Variants in FILIP1L observed in about 807,000 individuals in gnomAD.
The protein encoded by FILIP1L is filamin A interacting protein 1 like.
A neutral mutation model predicts 96.6 loss-of-function variants in FILIP1L; 55 were observed. The ratio of observed to expected loss-of-function variants is 0.57; its 90% CI spans 0.46 to 0.71. The LOEUF (loss-of-function observed/expected upper bound fraction) is 0.71. Among genes scored for constraint, FILIP1L ranks in the 30% least tolerant of loss-of-function variants. The probability of loss-of-function intolerance (pLI) is 0.00; values close to 1 mark genes in which losing one functional copy is unlikely to be tolerated. For synonymous variants in FILIP1L, 467 were observed against 473.9 expected, an observed-to-expected ratio of 0.99 and a Z score of 0.19; for missense variants, 1,304 against 1,321.2, an observed-to-expected ratio of 0.99 and a Z score of 0.20.
At chr3:99,881,529 C>T (rs1193196822) in intron 4 of FILIP1L, among the ~76,000 whole-genome samples, 2 of 149,266 alleles carry the variant, frequency 1.3e-5, no homozygotes, top group African/African-American at 5.0e-5. Context: ...TAGCCCATCT[C>T]TCTCTCTCTT....
intron 1 of FILIP1L, among the ~76,000 whole-genome samples, chr3:100,032,302 C>T (rs2065034944): frequency 6.6e-6 from 1 of 152,110 alleles, no homozygotes; most frequent in South Asian, 2.1e-4. Context: ...AGGTCAAATT[C>T]CAGATTGGTT....
chr3:99,858,774 C>T (rs1015224914), intron 4 of FILIP1L, among the ~76,000 whole-genome samples: 5 of 152,314 alleles, frequency 3.3e-5, no homozygotes, highest in African/African-American at 1.2e-4. Flanking sequence ...ATATCTTCTT[C>T]ACTCTCAAAG....
intron 4 of FILIP1L, chr3:99,876,141 CTG>C: frequency 1.0e-6 from 1 of 986,208 alleles, no homozygotes; most frequent in Non-Finnish European, 1.2e-6. Context: ...TGCGAGCCGA[CTG>C]TGCGCGCTCC....
At chr3:100,034,104 A>G (rs1267330430) in intron 1 of FILIP1L, among the ~76,000 whole-genome samples, 1 of 152,226 alleles carries the variant, frequency 6.6e-6, no homozygotes. Context: ...AGTAATTTGC[A>G]TCATCATCCA....
intron 1 of FILIP1L, among the ~76,000 whole-genome samples, chr3:99,975,516 C>T (rs1318325916): frequency 1.3e-5 from 2 of 151,704 alleles, no homozygotes; most frequent in African/African-American, 2.4e-5. Flanking sequence ...TGCTTGAACC[C>T]GGGAGGCAGA....
intron 4 of FILIP1L, among the ~76,000 whole-genome samples, chr3:99,885,001 C>G (rs1705846650): frequency 6.6e-6 from 1 of 152,188 alleles, no homozygotes; most frequent in African/African-American, 2.4e-5. Context: ...GAAAATTGTG[C>G]TACGATACTG....
chr3:100,088,599 T>G (rs1040023267), intron 1 of FILIP1L, among the ~76,000 whole-genome samples: 1 of 152,146 alleles, frequency 6.6e-6, no homozygotes, highest in African/African-American at 2.4e-5. Context: ...CACACCAGTT[T>G]CCTCAGTCTT....
chr3:100,005,040 T>C (rs1709949455), intron 1 of FILIP1L, among the ~76,000 whole-genome samples: 1 of 152,132 alleles, frequency 6.6e-6, no homozygotes. Context: ...GGAAAAGGGG[T>C]GCCAGAATGC....
intron 4 of FILIP1L, chr3:99,898,025 A>G (rs1300712757): frequency 6.6e-6 from 1 of 151,942 alleles, no homozygotes; most frequent in Non-Finnish European, 1.5e-5. Flanking sequence ...ATTTTCTCAC[A>G]TTGGTTTTTT....
intron 5 of FILIP1L, 66 bp downstream of exon 5, chr3:99,848,229 T>C (rs1943457993): frequency 6.3e-7 from 1 of 1,583,872 alleles, no homozygotes; most frequent in African/African-American, 1.3e-5. Context: ...AAGGATTGAG[T>C]TCCTTGCAAA....
chr3:99,903,034 G>A (rs573011741), intron 4 of FILIP1L, among the ~76,000 whole-genome samples: 1 of 152,240 alleles, frequency 6.6e-6, no homozygotes, highest in African/African-American at 2.4e-5. Flanking sequence ...AAACTTCTGG[G>A]TTTAATTCCT....
At chr3:100,075,982 G>A (rs1217945821) in intron 1 of FILIP1L, among the ~76,000 whole-genome samples, 1 of 152,112 alleles carries the variant, frequency 6.6e-6, no homozygotes, top group East Asian at 1.9e-4. Context: ...ACCTCACTTT[G>A]AAGACACAAA....
At chr3:100,047,305 GA>G (rs2065293185) in intron 1 of FILIP1L, among the ~76,000 whole-genome samples, 1 of 152,200 alleles carries the variant, frequency 6.6e-6, no homozygotes, top group East Asian at 1.9e-4. Flanking sequence ...ATTCCTTGAA[GA>G]AAAGGTGCTT....
At position 100,062,093 on chromosome 3, in the gene FILIP1L, C is replaced by CTTTTTTTTTTTTTTTTTTT. The variant is rs71907944; in HGVS notation, c.-11+51941_-11+51959dup. On this transcript the variant is annotated intron_variant, in intron 1 of 5. Coordinates refer to ENST00000477258, the MANE Select transcript of FILIP1L (RefSeq NM_001387850.1). ...CCACTTGTGGTTATCCTGTCTTCTT[C>CTTTTTTTTTTTTTTTTTTT]TTTTTTTTTTTTTTTTTTTTTTTTT... 1.5e-3 allele frequency among the ~76,000 whole-genome samples: 78 copies of CTTTTTTTTTTTTTTTTTTT among 53,180 alleles called. 14 individuals are homozygous for CTTTTTTTTTTTTTTTTTTT. Among genetic ancestry groups the CTTTTTTTTTTTTTTTTTTT allele is most frequent in the Non-Finnish European group, 2.1e-3 (63 of 29,474 alleles). The allele number at this position is 53,180 out of a possible 152,430, so 34.9% of individuals were successfully genotyped here. A position where few individuals can be genotyped will look rare whatever the true frequency, so the allele number is the denominator to read the frequency against.
At chr3:100,082,206 A>G (rs2065943482) in intron 1 of FILIP1L, among the ~76,000 whole-genome samples, 1 of 152,244 alleles carries the variant, frequency 6.6e-6, no homozygotes, top group South Asian at 2.1e-4. Flanking sequence ...CTAAAGAGTC[A>G]TATATCATGA....
At chr3:99,858,523 A>G (rs2107547933) in intron 4 of FILIP1L, among the ~76,000 whole-genome samples, 1 of 152,314 alleles carries the variant, frequency 6.6e-6, no homozygotes, top group Non-Finnish European at 1.5e-5. Flanking sequence ...TAAATCCATC[A>G]TCTGCTAAAT....
chr3:99,929,513 A>AGTGTGT (rs10629410), intron 3 of FILIP1L, among the ~76,000 whole-genome samples: 4,302 of 148,256 alleles, frequency 0.029, 68 homozygotes, highest in African/African-American at 0.046. Flanking sequence ...AAGTTCCCAG[A>AGTGTGT]GTGTGTGTGT....
At position 99,849,720 on chromosome 3, in the gene FILIP1L, T is replaced by C; in HGVS notation, c.1956A>G (p.Thr652=). 1 of 1,613,824 alleles carries C rather than the reference T, an allele frequency of 6.2e-7. No individual in the cohort carries two copies. Among genetic ancestry groups the C allele is most frequent in the Non-Finnish European group, 8.5e-7 (1 of 1,180,004 alleles). ...MKAIEDDLMK[T]EDEYETLERR... Reference sequence around the variant, plus strand: ...GTTCTAGAGTCTCATATTCATCTTCTGTTTTCATGAGGTCATCCTCAATGG... The same window carrying C: ...GTTCTAGAGTCTCATATTCATCTTCCGTTTTCATGAGGTCATCCTCAATGG... Residue 652 remains threonine, a synonymous_variant, in exon 5 of 6, where the codon ACA becomes ACG. Transcript: ENST00000477258.
At chr3:99,966,487 T>A (rs1360650141) in intron 1 of FILIP1L, among the ~76,000 whole-genome samples, 2 of 152,198 alleles carry the variant, frequency 1.3e-5, no homozygotes, top group Non-Finnish European at 2.9e-5. Context: ...AATGATTGTT[T>A]TTGTGCAGAG....
Sources: gnomAD v4.1 joint callset for allele counts (sites outside exome capture counted in the v4.1 genomes callset) on GRCh38, gnomAD v4.1.1 for gene constraint, MANE v1.5 for transcripts, NCBI Gene and HGNC (gene_info 2026-07-23, HGNC 2026-07-21) for gene names.